Variants in RANBP17 observed in about 807,000 individuals in gnomAD.
RANBP17 encodes RAN binding protein 17.
RANBP17 carries 158 observed loss-of-function variants against 141.2 expected under a neutral mutation model. The observed-to-expected ratio is 1.12, with a 90% CI of 0.98 to 1.28. The LOEUF is 1.28. Among genes scored for constraint, RANBP17 ranks in the 50% most tolerant of loss-of-function variants. The pLI is 0.00. For missense variants in RANBP17, 1,438 were observed against 1,290.7 expected (o/e 1.11, Z -1.75); for synonymous variants, 430 against 450.0 (o/e 0.96, Z 0.56).
At chr5:171,009,271 A>T (rs1332281279) in intron 14 of RANBP17, among the ~76,000 whole-genome samples, 1 of 152,218 alleles carries the variant, frequency 6.6e-6, no homozygotes, top group African/African-American at 2.4e-5. Flanking sequence ...ACACTGCTGG[A>T]CTGTTTGAGG....
chr5:171,283,124 G>T (rs1767951608), intron 25 of RANBP17, among the ~76,000 whole-genome samples: 1 of 152,136 alleles, frequency 6.6e-6, no homozygotes, highest in African/African-American at 2.4e-5. Flanking sequence ...TCTCTATGAA[G>T]CCATCCCTGG....
intron 24 of RANBP17, among the ~76,000 whole-genome samples, chr5:171,262,987 A>C (rs752110790): frequency 1.3e-5 from 2 of 152,208 alleles, no homozygotes; most frequent in Admixed American, 6.5e-5. Flanking sequence ...ATTTCTCTCT[A>C]AAATGATAAA....
At chr5:170,922,542 G>A (rs368972544) in intron 11 of RANBP17, among the ~76,000 whole-genome samples, 17 of 152,266 alleles carry the variant, frequency 1.1e-4, no homozygotes, top group African/African-American at 3.8e-4. Flanking sequence ...CCCTTCCCCC[G>A]TCAAGCTGCA....
intron 14 of RANBP17, among the ~76,000 whole-genome samples, chr5:171,117,455 C>A (rs1021077189): frequency 2.0e-5 from 3 of 151,960 alleles, no homozygotes; most frequent in African/African-American, 7.2e-5. Context: ...TCTATGTCTT[C>A]TTTTGAGAAA....
chr5:170,933,694 G>T (rs1302549524), intron 12 of RANBP17, among the ~76,000 whole-genome samples: 1 of 152,168 alleles, frequency 6.6e-6, no homozygotes, highest in Non-Finnish European at 1.5e-5. Context: ...TCAGGAGCAG[G>T]TTGTTCAGTT....
intron 14 of RANBP17, among the ~76,000 whole-genome samples, chr5:170,998,853 G>A (rs1333502472): frequency 1.3e-5 from 2 of 151,886 alleles, no homozygotes; most frequent in African/African-American, 4.8e-5. Context: ...TTTTTCATTT[G>A]TGAGTGTTGT....
chr5:171,183,297 T>C (rs375796656), intron 17 of RANBP17, 25 bp from the exon 18 acceptor site: 16 of 1,589,880 alleles, frequency 1.0e-5, no homozygotes, highest in Non-Finnish European at 1.4e-5. Context: ...GTTAGTAACT[T>C]GGATTACTCT....
intron 1 of RANBP17, among the ~76,000 whole-genome samples, chr5:170,877,533 A>G (rs1431386949): frequency 6.6e-6 from 1 of 152,148 alleles, no homozygotes; most frequent in Non-Finnish European, 1.5e-5. Context: ...CAGTGCTGGG[A>G]TTATAGGTAT....
In RANBP17 at chr5:170,896,031, T is replaced by G; in HGVS notation, c.424-19T>G. ...TCACTTGTCTCCACTTAGGCTAAAC[T>G]TTGTTATTTTCTCCAAAGGGTACTG... On this transcript the variant is annotated intron_variant, in intron 4 of 27. Coordinates refer to ENST00000523189, the MANE Select transcript of RANBP17 (RefSeq NM_022897.5). The G allele has an allele frequency of 6.5e-7, 1 of 1,546,736 alleles. No homozygotes were observed. The highest frequency in any genetic ancestry group is 8.8e-7 in the Non-Finnish European group (1 of 1,138,354).
At chr5:171,083,887 G>A (rs1160752414) in intron 14 of RANBP17, among the ~76,000 whole-genome samples, 2 of 151,824 alleles carry the variant, frequency 1.3e-5, no homozygotes, top group Non-Finnish European at 2.9e-5. Flanking sequence ...TGATCGTAAG[G>A]CCTCCCCAGC....
chr5:171,195,489 A>T (rs1249884125), intron 18 of RANBP17, among the ~76,000 whole-genome samples: 1 of 152,224 alleles, frequency 6.6e-6, no homozygotes, highest in East Asian at 1.9e-4. Flanking sequence ...CTGACTAAAA[A>T]CGTAAACATT....
At chr5:171,035,737 GTTTTTT>G (rs781327156) in intron 14 of RANBP17, among the ~76,000 whole-genome samples, 3 of 95,396 alleles carry the variant, frequency 3.1e-5, no homozygotes, top group African/African-American at 6.5e-5. Context: ...TTCTTTTTTT[GTTTTTT>G]TTTTTTTTTT....
At position 170,985,620 on chromosome 5, in the gene RANBP17, C is replaced by T. The variant is rs142155450; in HGVS notation, c.1710+17243C>T. ...TTTTGTTCATCACCATCTAGGTATA[C>T]AGGAAAACACACACGTGTGTGCACT... On this transcript the variant is annotated intron_variant, in intron 14 of 27. Coordinates refer to ENST00000523189, the MANE Select transcript of RANBP17 (RefSeq NM_022897.5). Among the ~76,000 whole-genome samples, 1,034 of 152,266 alleles carry T rather than the reference C, an allele frequency of 6.8e-3. 39 individuals carry two copies. The highest frequency in any genetic ancestry group is 0.044 in the East Asian group (225 of 5,168).
At position 170,911,035 on chromosome 5, in the gene RANBP17, C is replaced by T. The variant is rs753356207; in HGVS notation, c.661C>T (p.Leu221=). 9 of 1,612,178 alleles carry T rather than the reference C, an allele frequency of 5.6e-6. No homozygotes were observed. In the South Asian group the frequency reaches 8.8e-5, roughly 16 times the overall value. The change falls in exon 7 of 28, where the codon CTG becomes TTG. Residue 221 remains leucine, a synonymous_variant. Coordinates refer to ENST00000523189, the MANE Select transcript of RANBP17 (RefSeq NM_022897.5). ...QQNLVMQVLK[L]VLNCLNFDFI... ...AAATCTGGTAATGCAGGTCTTGAAACTGGTCCTTAACTGCCTTAACTTTGA... is the reference window on the plus strand; with the variant it reads ...AAATCTGGTAATGCAGGTCTTGAAATTGGTCCTTAACTGCCTTAACTTTGA...
At chr5:171,051,537 G>C (rs908646248) in intron 14 of RANBP17, among the ~76,000 whole-genome samples, 1 of 152,082 alleles carries the variant, frequency 6.6e-6, no homozygotes, top group African/African-American at 2.4e-5. Flanking sequence ...ATGTTTTCAA[G>C]GTTCATCCAA....
chr5:171,227,290 C>G (rs186439386), intron 22 of RANBP17, among the ~76,000 whole-genome samples: 1 of 152,170 alleles, frequency 6.6e-6, no homozygotes, highest in African/African-American at 2.4e-5. Flanking sequence ...CTAGCAAACA[C>G]ACAAATGATA....
rs1043862058 is a variant in RANBP17 at position 171,293,732 on chromosome 5, A to G, written c.2944-151A>G. 4.8e-6 allele frequency: 3 copies of G among 621,918 alleles called. No individual in the cohort carries two copies. The African/African-American group carries it at 5.4e-5, about 11-fold the overall frequency. The allele number at this position is 621,918 out of a possible 1,614,324, so 38.5% of individuals were successfully genotyped here. ...GCCAACAGTTTCTACAGGCAGCCTT[A>G]TAAGCTTCCAGAGTCTAGTCCGTTT... On this transcript the variant is annotated intron_variant, in intron 25 of 27. Coordinates refer to ENST00000523189, the MANE Select transcript of RANBP17 (RefSeq NM_022897.5).
Position 171,241,067 on chromosome 5 carries a change from TG to T in RANBP17, c.2566del (p.Asp856ThrfsTer29). On this transcript the variant is annotated frameshift_variant, in exon 23 of 28. Transcript: ENST00000523189. LOFTEE classifies it high-confidence loss of function. ...TCAGCTTTGGCGTCTTCAAGTTGTA[TG>T]GGGACAACCATTTTGACAATGTACT... Reference protein sequence around the residue: ...YVSFGVFKLYGDNHFDNVLQA... With the variant: ...YVSFGVFKLYXDNHFDNVLQA... 1.9e-6 allele frequency: 3 copies of T among 1,613,970 alleles called. No homozygotes were observed. Among genetic ancestry groups the T allele is most frequent in the Non-Finnish European group, 2.5e-6 (3 of 1,179,916 alleles).
intron 1 of RANBP17, among the ~76,000 whole-genome samples, chr5:170,873,937 G>T: frequency 6.6e-6 from 1 of 152,082 alleles, no homozygotes; most frequent in Non-Finnish European, 1.5e-5. Flanking sequence ...TGTGATGTTA[G>T]GGTGTTGATT....
Sources: gnomAD v4.1 joint callset for allele counts (sites outside exome capture counted in the v4.1 genomes callset) on GRCh38, gnomAD v4.1.1 for gene constraint, MANE v1.5 for transcripts, NCBI Gene and HGNC (gene_info 2026-07-23, HGNC 2026-07-21) for gene names.